The following CLDN8 variants were observed in gnomAD, a reference collection of about 807,000 sequenced individuals.
CLDN8 encodes claudin 8, also known as claudin-8.
CLDN8 carries 2 observed loss-of-function variants against 2.2 expected under a neutral mutation model. That is an observed-to-expected ratio of 0.90 (90% CI 0.37 to 2.82). The LOEUF (loss-of-function observed/expected upper bound fraction) is 2.82. Ranked by LOEUF, CLDN8 falls within the 30% of genes most tolerant of loss-of-function variation. The pLI is 0.10. For missense variants in CLDN8, 314 were observed against 280.5 expected, an observed-to-expected ratio of 1.12 and a Z score of -0.85; for synonymous variants, 107 against 104.8, an observed-to-expected ratio of 1.02 and a Z score of -0.13.
In CLDN8 at chr21:30,215,474, G is replaced by T. The variant is rs769259130; in HGVS notation, c.452C>A (p.Ser151Ter). ...ACGTTTTTGGGCAACATTCACTATTGAGTTATAGAAATCTCTGATGATGGC... is the reference window on the plus strand; with the variant it reads ...ACGTTTTTGGGCAACATTCACTATTTAGTTATAGAAATCTCTGATGATGGC... The part of the protein sequence containing the change: ...ANAIIRDFYN[S>*]IVNVAQKREL... The change falls in exon 1 of 1, where the codon TCA becomes TAA. Residue 151 changes from serine (S) to a stop codon, truncating the protein, a stop_gained. Coordinates refer to ENST00000399899, the MANE Select transcript of CLDN8 (RefSeq NM_199328.3). LOFTEE classifies it low-confidence loss of function (END_TRUNC). The T allele has an allele frequency of 3.7e-6, 6 of 1,613,958 alleles. No homozygotes were observed. The highest frequency in any genetic ancestry group is 1.6e-4 in the Middle Eastern group (1 of 6,062).
Position 30,215,478 on chromosome 21 carries a change from T to C in CLDN8, c.448A>G (p.Asn150Asp). The stretch of plus-strand genomic sequence containing the variant: ...TTTTGGGCAACATTCACTATTGAGT[T>C]ATAGAAATCTCTGATGATGGCATTG... ...VANAIIRDFY[N>D]SIVNVAQKRE... is the part of the protein sequence containing the mutation. The change falls in exon 1 of 1, where the codon AAC (asparagine) becomes GAC (aspartate). Residue 150 changes from asparagine to aspartate, a missense_variant. Coordinates refer to ENST00000399899, the MANE Select transcript of CLDN8 (RefSeq NM_199328.3). The C allele has an allele frequency of 6.2e-7, 1 of 1,614,020 alleles. No individual in the cohort carries two copies.
At position 30,215,245 on chromosome 21, in the gene CLDN8, C is replaced by A; in HGVS notation, c.*3G>T. The A allele has an allele frequency of 6.2e-7, 1 of 1,613,016 alleles. No homozygotes were observed. The highest frequency in any genetic ancestry group is 8.5e-7 in the Non-Finnish European group (1 of 1,179,104). On this transcript the variant is annotated 3_prime_UTR_variant, in exon 1 of 1. Transcript: ENST00000399899. Reference sequence around the variant, plus strand: ...TATAGTAAAGTTAAAAAAACATACACAACTACACATACTGACTTCTGGAGT... The same window carrying A: ...TATAGTAAAGTTAAAAAAACATACAAAACTACACATACTGACTTCTGGAGT...
At position 30,215,350 on chromosome 21, in the gene CLDN8, G is replaced by A. The variant is rs1978926028; in HGVS notation, c.576C>T (p.Ser192=). Residue 192 remains serine (S), a synonymous_variant, in exon 1 of 1, where the codon AGC becomes AGT. Transcript: ENST00000399899. ...FCCVFCCNEK[S]SSYRYSIPSH... ...AAGGTATCGAGTATCTGTAGCTACT[G>A]CTCTTTTCGTTGCAACAAAAAACGC... is the stretch of plus-strand genomic sequence containing the variant. 1 of 1,614,022 alleles carries A rather than the reference G, an allele frequency of 6.2e-7. No homozygotes were observed. The highest frequency in any genetic ancestry group is 1.3e-5 in the African/African-American group (1 of 74,904).
In CLDN8 at chr21:30,215,840, T is replaced by G; in HGVS notation, c.86A>C (p.Gln29Pro). 6.2e-7 allele frequency: 1 copy of G among 1,614,042 alleles called. No individual in the cohort carries two copies. Among genetic ancestry groups the G allele is most frequent in the Non-Finnish European group, 8.5e-7 (1 of 1,179,970 alleles). The change falls in exon 1 of 1, where the codon CAG becomes CCG. Residue 29 changes from glutamine to proline, a missense_variant. Coordinates refer to ENST00000399899, the MANE Select transcript of CLDN8 (RefSeq NM_199328.3). ...TTCAATGAAGGCCGACACTCTCCAC[T>G]GAGGCATGACAGTGACAGCCACTGT... ...VGTVAVTVMP[Q>P]WRVSAFIENN... is the part of the protein sequence containing the mutation.
rs996420500 is a variant in CLDN8 at position 30,215,151 on chromosome 21, C to G, written c.*97G>C. On this transcript the variant is annotated 3_prime_UTR_variant, in exon 1 of 1. Coordinates refer to ENST00000399899, the MANE Select transcript of CLDN8 (RefSeq NM_199328.3). ...GTAATTAAGATTAGGCAGTTAAGAACAGTAAATCAAAGTTTCTTTGGGGTC... is the reference window on the plus strand; with the variant it reads ...GTAATTAAGATTAGGCAGTTAAGAAGAGTAAATCAAAGTTTCTTTGGGGTC... The G allele has an allele frequency of 1.0e-6, 1 of 979,102 alleles. No individual in the cohort carries two copies. Among genetic ancestry groups the G allele is most frequent in the African/African-American group, 1.6e-5 (1 of 61,208 alleles). 60.7% of individuals were successfully genotyped at this position (979,102 alleles called of 1,614,324 possible).
rs1158424794 is a variant in CLDN8, at chr21:30,214,087, TC to T, written c.*1160del. 6.6e-6 allele frequency: 1 copy of T among 152,128 alleles called. No homozygotes were observed. Among genetic ancestry groups the T allele is most frequent in the Non-Finnish European group, 1.5e-5 (1 of 67,990 alleles). 9.4% of individuals were successfully genotyped at this position (152,128 alleles called of 1,614,324 possible). ...CACATTCATTTAAGCTAGACAGACG[TC>T]GACACAAACTTTCAAATTGGATTGT... On this transcript the variant is annotated 3_prime_UTR_variant, in exon 1 of 1. Coordinates refer to ENST00000399899, the MANE Select transcript of CLDN8 (RefSeq NM_199328.3).
rs1557297 is a variant in CLDN8 at position 30,216,096 on chromosome 21, G to A, written c.-171C>T. On this transcript the variant is annotated 5_prime_UTR_variant, in exon 1 of 1. Transcript: ENST00000399899. ...GCTACTTCTGGCCAGATAGTATCCA[G>A]TGCTGGCTGGCTGAGATGGCCCTGC... is the stretch of plus-strand genomic sequence containing the variant. 2 of 624,494 alleles carry A rather than the reference G, an allele frequency of 3.2e-6. No individual in the cohort carries two copies. Among genetic ancestry groups the A allele is most frequent in the Non-Finnish European group, 5.6e-6 (2 of 360,334 alleles). The allele number at this position is 624,494 out of a possible 1,614,324, so 38.7% of individuals were successfully genotyped here. A position where few individuals can be genotyped will look rare whatever the true frequency, so the allele number is the denominator to read the frequency against.
At position 30,215,863 on chromosome 21, in the gene CLDN8, T is replaced by C. The variant is rs1978966461; in HGVS notation, c.63A>G (p.Thr21=). 2.5e-6 allele frequency: 4 copies of C among 1,613,988 alleles called. No individual in the cohort carries two copies. In the East Asian group the frequency reaches 6.7e-5, roughly 27 times the overall value. ...ACTGAGGCATGACAGTGACAGCCACTGTGCCCACCATTCCAACACCACCAA... is the reference window on the plus strand; with the variant it reads ...ACTGAGGCATGACAGTGACAGCCACCGTGCCCACCATTCCAACACCACCAA... ...LFLGGVGMVG[T]VAVTVMPQWR... is the part of the protein sequence containing the mutation. Residue 21 remains threonine (T), a synonymous_variant, in exon 1 of 1, where the codon ACA becomes ACG. Transcript: ENST00000399899.
Position 30,214,579 on chromosome 21 carries a change from A to G in CLDN8, c.*669T>C, listed in dbSNP as rs1300921118. The stretch of plus-strand genomic sequence containing the variant: ...AAAATATCTGCTTTTTAAAAATGTT[A>G]ATTTAATACACAAGAAAAAAAAAGC... On this transcript the variant is annotated 3_prime_UTR_variant, in exon 1 of 1. Transcript: ENST00000399899. 6 of 152,306 alleles carry G rather than the reference A, an allele frequency of 3.9e-5. No homozygotes were observed. Among genetic ancestry groups the G allele is most frequent in the African/African-American group, 1.4e-4 (6 of 41,572 alleles). The allele number at this position is 152,306 out of a possible 1,614,324, so 9.4% of individuals were successfully genotyped here. A position where few individuals can be genotyped will look rare whatever the true frequency, so the allele number is the denominator to read the frequency against.
At position 30,215,682 on chromosome 21, in the gene CLDN8, C is replaced by T; in HGVS notation, c.244G>A (p.Gly82Arg). Residue 82 changes from glycine to arginine, a missense_variant, in exon 1 of 1, where the codon GGA (glycine) becomes AGA (arginine). By Grantham distance (125) the Gly-to-Arg change is moderately radical. Transcript: ENST00000399899. Reference sequence around the variant, plus strand: ...ATCACGGAAGCAGCACACATCAGTCCTCTGGCTGCCTGTAGGTCCGGAGAA... The same window carrying T: ...ATCACGGAAGCAGCACACATCAGTCTTCTGGCTGCCTGTAGGTCCGGAGAA... ...ALSPDLQAAR[G>R]LMCAASVMSF... 2 of 1,614,104 alleles carry T rather than the reference C, an allele frequency of 1.2e-6. No homozygotes were observed. The highest frequency in any genetic ancestry group is 1.7e-6 in the Non-Finnish European group (2 of 1,180,022).
chr21:30,215,399 A>G lies in CLDN8; in HGVS notation c.527T>C (p.Ile176Thr), dbSNP rs1978930576. 5 of 1,614,078 alleles carry G rather than the reference A, an allele frequency of 3.1e-6. No individual in the cohort carries two copies. The highest frequency in any genetic ancestry group is 3.4e-6 in the Non-Finnish European group (4 of 1,179,978). Residue 176 changes from isoleucine (I) to threonine (T), a missense_variant, in exon 1 of 1, where the codon ATT (isoleucine) becomes ACT (threonine). Physicochemically the swap from Ile to Thr is moderately conservative, Grantham distance 89. Coordinates refer to ENST00000399899, the MANE Select transcript of CLDN8 (RefSeq NM_199328.3). The stretch of plus-strand genomic sequence containing the variant: ...GCAGCAGAACAGAGCTCCTCCAACA[A>G]TCAGCACCAGTGCCGTGGTCCATCC... ...YLGWTTALVL[I>T]VGGALFCCVF...
Position 30,216,058 on chromosome 21 carries a change from T to A in CLDN8, c.-133A>T. ...ACTCGGAACCCAGTGGTTTTTCAAA[T>A]AAGAGCTGCTTTGCTACTTCTGGCC... is the stretch of plus-strand genomic sequence containing the variant. On this transcript the variant is annotated 5_prime_UTR_variant, in exon 1 of 1. Transcript: ENST00000399899. 1 of 798,188 alleles carries A rather than the reference T, an allele frequency of 1.3e-6. No individual in the cohort carries two copies. Among genetic ancestry groups the A allele is most frequent in the South Asian group, 1.9e-5 (1 of 51,804 alleles). The allele number at this position is 798,188 out of a possible 1,614,324, so 49.4% of individuals were successfully genotyped here.
Position 30,215,764 on chromosome 21 carries a change from G to A in CLDN8, c.162C>T (p.Cys54=), listed in dbSNP as rs387907424. The A allele has an allele frequency of 3.7e-6, 6 of 1,613,956 alleles. No homozygotes were observed. Among genetic ancestry groups the A allele is most frequent in the East Asian group, 2.2e-5 (1 of 44,858 alleles). Residue 54 remains cysteine, a synonymous_variant, in exon 1 of 1, where the codon TGC becomes TGT. Transcript: ENST00000399899. ...ENFWEGLWMN[C]VRQANIRMQC... is the part of the protein sequence containing the mutation. ...GCATCCTGATGTTAGCCTGCCTCAC[G>A]CAATTCATCCACAGTCCTTCCCAGA...
At position 30,215,059 on chromosome 21, in the gene CLDN8, A is replaced by G. The variant is rs1978905997; in HGVS notation, c.*189T>C. 3.5e-6 allele frequency: 2 copies of G among 576,562 alleles called. No individual in the cohort carries two copies. The highest frequency in any genetic ancestry group is 6.2e-5 in the Admixed American group (2 of 32,056). The allele number at this position is 576,562 out of a possible 1,614,324, so 35.7% of individuals were successfully genotyped here. On this transcript the variant is annotated 3_prime_UTR_variant, in exon 1 of 1. Transcript: ENST00000399899. ...CTATACTTTCTAGAACAATCAAAGC[A>G]TTGGGTTTAATATCTCATTCTGCTG... is the stretch of plus-strand genomic sequence containing the variant.
Position 30,215,476 on chromosome 21 carries a change from G to A in CLDN8, c.450C>T (p.Asn150=), listed in dbSNP as rs759798441. 2 of 1,613,906 alleles carry A rather than the reference G, an allele frequency of 1.2e-6. No individual in the cohort carries two copies. Among genetic ancestry groups the A allele is most frequent in the East Asian group, 4.5e-5 (2 of 44,856 alleles). The change falls in exon 1 of 1, where the codon AAC becomes AAT. Residue 150 remains asparagine, a synonymous_variant. Transcript: ENST00000399899. ...VANAIIRDFY[N]SIVNVAQKRE... ...GTTTTTGGGCAACATTCACTATTGAGTTATAGAAATCTCTGATGATGGCAT... is the reference window on the plus strand; with the variant it reads ...GTTTTTGGGCAACATTCACTATTGAATTATAGAAATCTCTGATGATGGCAT...
chr21:30,214,775 C>T lies in CLDN8; in HGVS notation c.*473G>A, dbSNP rs953328629. 1 of 154,138 alleles carries T rather than the reference C, an allele frequency of 6.5e-6. No individual in the cohort carries two copies. The highest frequency in any genetic ancestry group is 1.4e-5 in the Non-Finnish European group (1 of 69,150). 9.5% of individuals were successfully genotyped at this position (154,138 alleles called of 1,614,324 possible). On this transcript the variant is annotated 3_prime_UTR_variant, in exon 1 of 1. Transcript: ENST00000399899. Reference sequence around the variant, plus strand: ...GCTGTTTTTAAACAATTAATAGTAACCTTCTTCAACCCTATCCATGATTTC... The same window carrying T: ...GCTGTTTTTAAACAATTAATAGTAATCTTCTTCAACCCTATCCATGATTTC...
In CLDN8 at chr21:30,216,010, A is replaced by G. The variant is rs897019809; in HGVS notation, c.-85T>C. On this transcript the variant is annotated 5_prime_UTR_variant, in exon 1 of 1. Transcript: ENST00000399899. The stretch of plus-strand genomic sequence containing the variant: ...CAGGGTTCTCTGTGCCACAGAAGAG[A>G]ACAGTTTTTCCTGTAGTAATGAACT... The G allele has an allele frequency of 1.6e-6, 2 of 1,266,218 alleles. No homozygotes were observed. The highest frequency in any genetic ancestry group is 1.5e-5 in the African/African-American group (1 of 66,878). 78.4% of individuals were successfully genotyped at this position (1,266,218 alleles called of 1,614,324 possible). A position where few individuals can be genotyped will look rare whatever the true frequency, so the allele number is the denominator to read the frequency against.
chr21:30,215,351 C>G lies in CLDN8; in HGVS notation c.575G>C (p.Ser192Thr), dbSNP rs754154573. 2 of 1,614,018 alleles carry G rather than the reference C, an allele frequency of 1.2e-6. No individual in the cohort carries two copies. The highest frequency in any genetic ancestry group is 1.7e-6 in the Non-Finnish European group (2 of 1,180,020). The change falls in exon 1 of 1, where the codon AGC becomes ACC. Residue 192 changes from serine to threonine, a missense_variant. Physicochemically the swap from Ser to Thr is moderately conservative, Grantham distance 58 (BLOSUM62 1). Transcript: ENST00000399899. ...AGGTATCGAGTATCTGTAGCTACTG[C>G]TCTTTTCGTTGCAACAAAAAACGCA... ...FCCVFCCNEK[S>T]SSYRYSIPSH...
chr21:30,215,075 C>T lies in CLDN8; in HGVS notation c.*173G>A, dbSNP rs1978906795. The stretch of plus-strand genomic sequence containing the variant: ...AATCAAAGCATTGGGTTTAATATCT[C>T]ATTCTGCTGAAATAGCTTATAGAAT... On this transcript the variant is annotated 3_prime_UTR_variant, in exon 1 of 1. Transcript: ENST00000399899. 1 of 593,332 alleles carries T rather than the reference C, an allele frequency of 1.7e-6. No homozygotes were observed. Among genetic ancestry groups the T allele is most frequent in the Non-Finnish European group, 2.9e-6 (1 of 339,014 alleles). 36.8% of individuals were successfully genotyped at this position (593,332 alleles called of 1,614,324 possible).
Sources: allele counts gnomAD v4.1 joint callset, GRCh38; gene constraint gnomAD v4.1.1; transcripts MANE v1.5; gene names NCBI Gene and HGNC (gene_info 2026-07-23, HGNC 2026-07-21).